The following FAAH2 variants were observed in gnomAD, a reference collection of about 807,000 sequenced individuals.
FAAH2 encodes fatty-acid amide hydrolase 2.
A neutral mutation model predicts 36.9 loss-of-function variants in FAAH2; 60 were observed. That is an observed-to-expected ratio of 1.63 (90% CI 1.32 to 2.02). The LOEUF (loss-of-function observed/expected upper bound fraction) is 2.02, where lower values mean the gene tolerates loss of function less well. Among genes scored for constraint, FAAH2 ranks in the 30% most tolerant of loss-of-function variants. The pLI, the probability that FAAH2 is intolerant of heterozygous loss-of-function variation, is 0.00. For missense variants in FAAH2, 689 were observed against 397.5 expected (o/e 1.73, Z -6.23); for synonymous variants, 214 against 143.8 (o/e 1.49, Z -3.49).
chrX:57,356,950 C>A (rs148336961), intron 5 of FAAH2, among the ~76,000 whole-genome samples: 75 of 110,829 alleles, frequency 6.8e-4, no homozygotes, highest in African/African-American at 2.4e-3. Context: ...GCCCTCCACC[C>A]TCTGACAAGC....
chrX:57,412,097 A>G (rs895450611), intron 7 of FAAH2, among the ~76,000 whole-genome samples: 2 of 111,882 alleles, frequency 1.8e-5, no homozygotes, highest in African/African-American at 6.5e-5. Flanking sequence ...ATTTATTATT[A>G]CTTTGTGTTA....
the FAAH2 span, among the ~76,000 whole-genome samples, chrX:57,130,437 A>G: frequency 8.9e-6 from 1 of 112,049 alleles, no homozygotes; most frequent in Non-Finnish European, 1.9e-5. Flanking sequence ...GCATCAGGTT[A>G]TGTGCTTACT....
intron 10 of FAAH2, among the ~76,000 whole-genome samples, chrX:57,454,105 G>A (rs756804407): frequency 1.2e-5 from 1 of 82,223 alleles, no homozygotes; most frequent in Non-Finnish European, 2.8e-5. Flanking sequence ...ATCTTGGCCA[G>A]AACACCGAAG....
chrX:57,245,936 G>C, the FAAH2 span, among the ~76,000 whole-genome samples: 1 of 111,073 alleles, frequency 9.0e-6, no homozygotes, highest in Non-Finnish European at 1.9e-5. Flanking sequence ...ATGAATCCAG[G>C]AGCTGTTTTT....
chrX:57,308,603 G>A (rs368816838), intron 2 of FAAH2, among the ~76,000 whole-genome samples: 9 of 111,720 alleles, frequency 8.1e-5, no homozygotes, highest in East Asian at 5.6e-4. Context: ...TCACATGAGT[G>A]TCAGGATTAA....
At chrX:57,282,885 G>C (rs928945440), upstream of FAAH2, among the ~76,000 whole-genome samples, 1 of 112,152 alleles carries the variant, frequency 8.9e-6, no homozygotes, top group African/African-American at 3.2e-5. Flanking sequence ...TGGCACTTGC[G>C]AGCTGTACAG....
At chrX:57,161,561 G>T in the FAAH2 span, among the ~76,000 whole-genome samples, 1 of 111,728 alleles carries the variant, frequency 9.0e-6, no homozygotes, top group Non-Finnish European at 1.9e-5. Flanking sequence ...GGGTGCATAT[G>T]TATTTAGGAG....
the FAAH2 span, among the ~76,000 whole-genome samples, chrX:57,251,176 G>A: frequency 8.9e-6 from 1 of 111,743 alleles, no homozygotes; most frequent in African/African-American, 3.2e-5. Flanking sequence ...TTTATTTCTG[G>A]GATAAATGGA....
chrX:57,459,888 A>T (rs185295755), intron 10 of FAAH2, among the ~76,000 whole-genome samples: 2 of 112,195 alleles, frequency 1.8e-5, no homozygotes, highest in African/African-American at 6.5e-5. Context: ...TACAATGAAG[A>T]AAAAACAGCA....
At chrX:57,442,881 C>T (rs2056593772) in intron 8 of FAAH2, among the ~76,000 whole-genome samples, 1 of 110,557 alleles carries the variant, frequency 9.0e-6, no homozygotes, top group Non-Finnish European at 1.9e-5. Flanking sequence ...CTTAGTTTGG[C>T]TGGATATGAA....
the FAAH2 span, among the ~76,000 whole-genome samples, chrX:57,237,642 A>T: frequency 9.0e-6 from 1 of 111,594 alleles, no homozygotes; most frequent in Non-Finnish European, 1.9e-5. Flanking sequence ...ACAAAAATTG[A>T]CAAATGAAGT....
intron 3 of FAAH2, among the ~76,000 whole-genome samples, chrX:57,319,851 C>A (rs976970601): frequency 9.0e-6 from 1 of 111,542 alleles, no homozygotes; most frequent in Non-Finnish European, 1.9e-5. Flanking sequence ...GAACAGAGGC[C>A]TCAGAAATAA....
At chrX:57,276,099 C>T in the FAAH2 span, among the ~76,000 whole-genome samples, 1 of 111,948 alleles carries the variant, frequency 8.9e-6, no homozygotes, top group East Asian at 2.8e-4. Flanking sequence ...GAACTCTCCA[C>T]CCCAAATCAA....
the FAAH2 span, among the ~76,000 whole-genome samples, chrX:57,181,572 A>C: frequency 8.9e-6 from 1 of 111,797 alleles, no homozygotes; most frequent in South Asian, 3.7e-4. Flanking sequence ...TGCTCAAAGA[A>C]ATCAGGATGA....
chrX:57,287,147 G>A, intron 1 of FAAH2, 130 bp downstream of exon 1: 1 of 649,531 alleles, frequency 1.5e-6, no homozygotes, highest in Non-Finnish European at 2.2e-6. Flanking sequence ...CATTTATTGG[G>A]GATGAAGGGA....
At chrX:57,213,685 G>C in the FAAH2 span, among the ~76,000 whole-genome samples, 1 of 111,887 alleles carries the variant, frequency 8.9e-6, no homozygotes, top group Non-Finnish European at 1.9e-5. Flanking sequence ...ACTGTTGTTT[G>C]TAAGATACTT....
At chrX:57,369,496 G>T (rs2054499281) in intron 5 of FAAH2, among the ~76,000 whole-genome samples, 2 of 111,571 alleles carry the variant, frequency 1.8e-5, no homozygotes, top group Admixed American at 1.9e-4. Flanking sequence ...CATATAAAAG[G>T]ATCTCCATCT....
chrX:57,367,057 A>G (rs2054435543), intron 5 of FAAH2, among the ~76,000 whole-genome samples: 1 of 112,419 alleles, frequency 8.9e-6, no homozygotes, highest in Non-Finnish European at 1.9e-5. Flanking sequence ...TTGTGTGTCA[A>G]ATGTCTTTTC....
the FAAH2 span, among the ~76,000 whole-genome samples, chrX:57,196,140 G>T: frequency 8.9e-6 from 1 of 111,997 alleles, no homozygotes; most frequent in East Asian, 2.8e-4. Context: ...TGTGAAGAAT[G>T]ATGTTGGTAT....
Sources: allele counts gnomAD v4.1 joint callset (sites outside exome capture counted in the v4.1 genomes callset), GRCh38; gene constraint gnomAD v4.1.1; transcripts MANE v1.5; gene names NCBI Gene and HGNC (gene_info 2026-07-23, HGNC 2026-07-21).